The following CTNNA2 variants were observed in gnomAD, a reference collection of about 807,000 sequenced individuals.
CTNNA2 encodes the protein catenin alpha-2.
CTNNA2 carries 42 observed loss-of-function variants against 101.0 expected under a neutral mutation model. The observed-to-expected ratio is 0.42, with a 90% CI of 0.32 to 0.54. CTNNA2 has a LOEUF of 0.54. Among genes scored for constraint, CTNNA2 ranks in the 20% least tolerant of loss-of-function variants. The pLI is 0.14. For missense variants in CTNNA2, 871 were observed against 1,223.1 expected, an observed-to-expected ratio of 0.71 and a Z score of 4.29; for synonymous variants, 450 against 456.4, an observed-to-expected ratio of 0.99 and a Z score of 0.18.
chr2:79,248,270 C>T (rs939757868), intron 2 of CTNNA2, among the ~76,000 whole-genome samples: 2 of 151,700 alleles, frequency 1.3e-5, no homozygotes, highest in African/African-American at 4.8e-5. Flanking sequence ...GAAATGTGAG[C>T]CACACATGTT....
At chr2:79,187,880 G>T (rs11685616) in intron 1 of CTNNA2, among the ~76,000 whole-genome samples, 8,087 of 152,170 alleles carry the variant, frequency 0.053, 315 homozygotes, top group East Asian at 0.14. Flanking sequence ...GGATATACAT[G>T]AGTTATTAGG....
chr2:80,151,120 G>A (rs1703667292), intron 7 of CTNNA2, among the ~76,000 whole-genome samples: 2 of 152,170 alleles, frequency 1.3e-5, no homozygotes, highest in African/African-American at 2.4e-5. Flanking sequence ...AGGCCTCATT[G>A]CTGGGCAGTT....
chr2:79,930,262 GAAAGAAAGAAAGAA>G (rs768108830), intron 7 of CTNNA2, among the ~76,000 whole-genome samples: 590 of 40,020 alleles, frequency 0.015, 15 homozygotes, highest in African/African-American at 0.028. Flanking sequence ...AAGAAAGAAA[GAAAGAAAGAAAGAA>G]AGAGAGAGAG....
intron 4 of CTNNA2, among the ~76,000 whole-genome samples, chr2:79,401,561 GT>G (rs1187604086): frequency 4.6e-5 from 7 of 151,428 alleles, no homozygotes; most frequent in African/African-American, 1.5e-4. Context: ...TAAATTAGAT[GT>G]TAATTATAAA....
chr2:80,393,332 T>A, intron 8 of CTNNA2, 41 bp downstream of exon 8: 1 of 1,409,504 alleles, frequency 7.1e-7, no homozygotes, highest in Non-Finnish European at 9.9e-7. Flanking sequence ...TGATATTCAG[T>A]AGTGGTTTCC....
rs150794898 is a variant in CTNNA2, at chr2:80,223,558, G to A, written c.1057-169653G>A. 2.1e-3 allele frequency among the ~76,000 whole-genome samples: 326 copies of A among 152,304 alleles called. 2 individuals are homozygous for A. The highest frequency in any genetic ancestry group is 7.6e-3 in the African/African-American group (314 of 41,586). ...CAAAGTGCTGGGATTACAGGCGTGA[G>A]CCACTGCGCCTGGCCCTATTTCTTA... is the stretch of plus-strand genomic sequence containing the variant. On this transcript the variant is annotated intron_variant, in intron 7 of 18. Coordinates refer to ENST00000402739, the MANE Select transcript of CTNNA2 (RefSeq NM_001282597.3).
chr2:80,620,928 A>T (rs529078996), intron 18 of CTNNA2, among the ~76,000 whole-genome samples: 12 of 152,098 alleles, frequency 7.9e-5, no homozygotes, highest in Non-Finnish European at 2.9e-5. Flanking sequence ...TTGTGCATGC[A>T]CTTATTTATC....
intron 3 of CTNNA2, among the ~76,000 whole-genome samples, chr2:79,341,433 G>A (rs775161046): frequency 1.3e-5 from 2 of 152,088 alleles, no homozygotes; most frequent in Non-Finnish European, 2.9e-5. Flanking sequence ...AAAAAATGAG[G>A]CATACTGATT....
intron 7 of CTNNA2, among the ~76,000 whole-genome samples, chr2:80,255,977 A>G (rs1672109155): frequency 6.6e-6 from 1 of 152,100 alleles, no homozygotes; most frequent in African/African-American, 2.4e-5. Flanking sequence ...CGAACTTTTT[A>G]ATGCATTTGT....
intron 2 of CTNNA2, among the ~76,000 whole-genome samples, chr2:79,211,666 T>C (rs1674175430): frequency 6.6e-6 from 1 of 152,192 alleles, no homozygotes; most frequent in Non-Finnish European, 1.5e-5. Flanking sequence ...TGTGGTGGAA[T>C]GTCATCAGTT....
At chr2:79,434,168 C>G (rs543603046) in intron 4 of CTNNA2, among the ~76,000 whole-genome samples, 3 of 151,636 alleles carry the variant, frequency 2.0e-5, no homozygotes, top group Non-Finnish European at 4.4e-5. Flanking sequence ...CAGGGTGGTG[C>G]ATTCCTGTAG....
intron 2 of CTNNA2, among the ~76,000 whole-genome samples, chr2:79,698,375 A>C (rs1403168849): frequency 2.0e-5 from 3 of 152,098 alleles, no homozygotes; most frequent in Non-Finnish European, 4.4e-5. Flanking sequence ...TTAAAGGAGA[A>C]AAAACAGAAC....
At chr2:80,065,192 T>C (rs1241185166) in intron 7 of CTNNA2, among the ~76,000 whole-genome samples, 3 of 151,836 alleles carry the variant, frequency 2.0e-5, no homozygotes, top group Non-Finnish European at 2.9e-5. Flanking sequence ...CTTGAATTAC[T>C]TGTCAGAAAA....
At chr2:80,050,765 A>G (rs1463123427) in intron 7 of CTNNA2, among the ~76,000 whole-genome samples, 2 of 152,204 alleles carry the variant, frequency 1.3e-5, no homozygotes, top group Admixed American at 6.5e-5. Flanking sequence ...CAGTGGTACA[A>G]TCACGGCTCA....
Position 79,676,688 on chromosome 2 carries a change from T to C in CTNNA2, c.102+25030T>C, listed in dbSNP as rs546036223. On this transcript the variant is annotated intron_variant, in intron 2 of 18. Coordinates refer to ENST00000402739, the MANE Select transcript of CTNNA2 (RefSeq NM_001282597.3). ...AGACAGTCCAAAAGGGGATTTCAAC[T>C]ATAAATAGGAGCACACCATCAAGAC... Among the ~76,000 whole-genome samples, 15 of 152,198 alleles carry C rather than the reference T, an allele frequency of 9.9e-5. No homozygotes were observed. The East Asian group carries it at 2.9e-3, about 30-fold the overall frequency.
In CTNNA2 at chr2:79,741,502, A is replaced by T. The variant is rs771164973; in HGVS notation, c.103-2885A>T. On this transcript the variant is annotated intron_variant, in intron 2 of 18. Coordinates refer to ENST00000402739, the MANE Select transcript of CTNNA2 (RefSeq NM_001282597.3). ...GAGTCTTCCCATCCAAGAATGCGGGATGTCTCTCTATTATGTAGGTCTTCT... is the reference window on the plus strand; with the variant it reads ...GAGTCTTCCCATCCAAGAATGCGGGTTGTCTCTCTATTATGTAGGTCTTCT... 4.6e-5 allele frequency among the ~76,000 whole-genome samples: 7 copies of T among 152,178 alleles called. No homozygotes were observed. In the East Asian group the frequency reaches 1.2e-3, roughly 25 times the overall value.
chr2:79,311,266 C>G (rs373336507), intron 2 of CTNNA2, among the ~76,000 whole-genome samples: 268 of 151,932 alleles, frequency 1.8e-3, no homozygotes, highest in African/African-American at 6.3e-3. Flanking sequence ...AAAATTAGCC[C>G]GGCGTGATGG....
rs71385269 is a variant in CTNNA2, at chr2:79,345,859, A to ATTT, written c.-317-27955_-317-27953dup. 3.9e-3 allele frequency among the ~76,000 whole-genome samples: 504 copies of ATTT among 130,584 alleles called. 8 individuals are homozygous for ATTT. The highest frequency in any genetic ancestry group is 0.012 in the African/African-American group (424 of 34,810). The allele number at this position is 130,584 out of a possible 152,430, so 85.7% of individuals were successfully genotyped here. A position where few individuals can be genotyped will look rare whatever the true frequency, so the allele number is the denominator to read the frequency against. On this transcript the variant is annotated intron_variant, in intron 3 of 21. Coordinates refer to the CTNNA2 transcript ENST00000466387. ...AGGCGCCAGCCATCACGCCCGGTTG[A>ATTT]TTTTTTTTTTTTTTTTTTTAATACA...
At chr2:79,937,582 A>T (rs1486411622) in intron 7 of CTNNA2, among the ~76,000 whole-genome samples, 2 of 152,242 alleles carry the variant, frequency 1.3e-5, no homozygotes, top group African/African-American at 4.8e-5. Flanking sequence ...TCAAAGGAAC[A>T]TTAGTATCAT....
Sources: allele counts gnomAD v4.1 joint callset (sites outside exome capture counted in the v4.1 genomes callset), GRCh38; gene constraint gnomAD v4.1.1; transcripts MANE v1.5; gene names NCBI Gene and HGNC (gene_info 2026-07-23, HGNC 2026-07-21).